PTPRD: variants seen among roughly 807,000 people sequenced by gnomAD.
PTPRD encodes protein tyrosine phosphatase receptor type D, also known as receptor-type tyrosine-protein phosphatase delta.
A neutral mutation model predicts 214.5 loss-of-function variants in PTPRD; 34 were observed. That is an observed-to-expected ratio of 0.16 (90% CI 0.12 to 0.21). The LOEUF (loss-of-function observed/expected upper bound fraction) is 0.21. Among genes scored for constraint, PTPRD ranks in the 10% least tolerant of loss-of-function variants. The pLI is 1.00. For synonymous variants in PTPRD, 1,128 were observed against 845.7 expected (o/e 1.33, Z -5.79); for missense variants, 2,545 against 2,398.7 (o/e 1.06, Z -1.27).
intron 8 of PTPRD, among the ~76,000 whole-genome samples, chr9:9,452,462 T>C (rs1050674556): frequency 2.0e-5 from 3 of 151,428 alleles, no homozygotes; most frequent in African/African-American, 7.2e-5. Context: ...TGTATGGGTA[T>C]ATCTAAGTAA....
At chr9:8,751,626 G>T (rs986557100) in intron 11 of PTPRD, among the ~76,000 whole-genome samples, 3 of 152,042 alleles carry the variant, frequency 2.0e-5, no homozygotes, top group Admixed American at 2.0e-4. Context: ...TCAATTGCTG[G>T]CTATCTTTCC....
intron 5 of PTPRD, among the ~76,000 whole-genome samples, chr9:9,856,667 T>C (rs1256013106): frequency 1.3e-5 from 2 of 152,012 alleles, no homozygotes; most frequent in Non-Finnish European, 2.9e-5. Context: ...TGAAAACCTT[T>C]GGTGGGAATT....
intron 2 of PTPRD, among the ~76,000 whole-genome samples, chr9:10,518,824 G>A (rs1387830893): frequency 3.3e-5 from 5 of 151,680 alleles, no homozygotes; most frequent in African/African-American, 7.2e-5. Context: ...GAGCCACCGC[G>A]CTCAGCCTTA....
intron 26 of PTPRD, among the ~76,000 whole-genome samples, chr9:8,493,363 T>C (rs1269203075): frequency 6.6e-6 from 1 of 152,242 alleles, no homozygotes; most frequent in Non-Finnish European, 1.5e-5. Flanking sequence ...ATATGAGTTA[T>C]ATCAGGTAAA....
At chr9:9,307,082 T>A (rs1429174535) in intron 9 of PTPRD, among the ~76,000 whole-genome samples, 1 of 152,220 alleles carries the variant, frequency 6.6e-6, no homozygotes, top group African/African-American at 2.4e-5. Flanking sequence ...TTGATGTGCC[T>A]GAGACATTTC....
chr9:9,802,186 C>G (rs569774706), intron 5 of PTPRD, among the ~76,000 whole-genome samples: 1 of 151,808 alleles, frequency 6.6e-6, no homozygotes, highest in Non-Finnish European at 1.5e-5. Flanking sequence ...AATTTAAACT[C>G]AGTTTAAAAT....
At chr9:10,507,810 A>G (rs1055669734) in intron 2 of PTPRD, among the ~76,000 whole-genome samples, 2 of 152,212 alleles carry the variant, frequency 1.3e-5, no homozygotes, top group Admixed American at 6.5e-5. Context: ...AAGGTGGATT[A>G]AAGACTTAAA....
At chr9:8,934,679 C>G (rs962283887) in intron 11 of PTPRD, among the ~76,000 whole-genome samples, 2 of 149,630 alleles carry the variant, frequency 1.3e-5, no homozygotes, top group Admixed American at 6.8e-5. Context: ...GTATTATTAA[C>G]TATAGTCGCC....
At chr9:9,340,134 C>T (rs1046267403) in intron 9 of PTPRD, among the ~76,000 whole-genome samples, 8 of 151,818 alleles carry the variant, frequency 5.3e-5, no homozygotes, top group African/African-American at 1.5e-4. Flanking sequence ...CTCTAGAAAC[C>T]GCTAAAGACA....
chr9:8,682,172 T>C (rs1158096801), intron 12 of PTPRD, among the ~76,000 whole-genome samples: 1 of 152,146 alleles, frequency 6.6e-6, no homozygotes, highest in East Asian at 1.9e-4. Flanking sequence ...CATCAAAACA[T>C]AATAAAAATG....
chr9:9,733,548 A>C (rs2098237447), intron 7 of PTPRD, among the ~76,000 whole-genome samples: 1 of 152,170 alleles, frequency 6.6e-6, no homozygotes, highest in South Asian at 2.1e-4. Context: ...TCCTGAAAGC[A>C]TTTGGTTTTA....
intron 11 of PTPRD, among the ~76,000 whole-genome samples, chr9:8,891,240 C>A (rs1242935754): frequency 6.7e-6 from 1 of 149,396 alleles, no homozygotes; most frequent in East Asian, 2.0e-4. Context: ...TTCAGGCCAT[C>A]CTCCTGCCTC....
intron 7 of PTPRD, among the ~76,000 whole-genome samples, chr9:9,686,086 G>C (rs1233825670): frequency 6.6e-6 from 1 of 151,356 alleles, no homozygotes; most frequent in Admixed American, 6.6e-5. Context: ...TATATTTTGG[G>C]AAGTTTATTT....
intron 11 of PTPRD, among the ~76,000 whole-genome samples, chr9:8,761,078 G>A (rs964894292): frequency 6.6e-6 from 1 of 152,154 alleles, no homozygotes; most frequent in South Asian, 2.1e-4. Context: ...AGATGACTGT[G>A]GGATGAAGCT....
At chr9:9,582,245 C>A (rs1199606458) in intron 7 of PTPRD, among the ~76,000 whole-genome samples, 20 of 152,124 alleles carry the variant, frequency 1.3e-4, no homozygotes, top group Admixed American at 1.3e-3. Flanking sequence ...GGCAAAAGGA[C>A]ACATGTAGAC....
In PTPRD at chr9:10,238,179, C is replaced by G. The variant is rs1426340796; in HGVS notation, c.-545+102784G>C. Among the ~76,000 whole-genome samples the G allele has an allele frequency of 3.4e-5, 4 of 116,602 alleles. No homozygotes were observed. The South Asian group carries it at 1.2e-3, about 36-fold the overall frequency. 76.5% of individuals were successfully genotyped at this position (116,602 alleles called of 152,430 possible). ...TTGGGGTCATTTTGTCATACCTGCT[C>G]TAAAGGACAGGAAGAAAAAGCACTC... On this transcript the variant is annotated intron_variant, in intron 3 of 45. Transcript: ENST00000381196.
At chr9:10,090,817 C>A (rs1216966373) in intron 3 of PTPRD, among the ~76,000 whole-genome samples, 4 of 147,474 alleles carry the variant, frequency 2.7e-5, no homozygotes, top group African/African-American at 5.0e-5. Flanking sequence ...TCTTAGTGAA[C>A]TATAAAATAT....
At chr9:9,572,609 AT>A (rs962598575) in intron 8 of PTPRD, among the ~76,000 whole-genome samples, 3 of 147,744 alleles carry the variant, frequency 2.0e-5, no homozygotes, top group African/African-American at 7.4e-5. Context: ...GTGTATATAT[AT>A]ATCATACATA....
chr9:8,334,062 A>G (rs1003397677), intron 43 of PTPRD, among the ~76,000 whole-genome samples: 3 of 152,188 alleles, frequency 2.0e-5, no homozygotes, highest in Non-Finnish European at 4.4e-5. Flanking sequence ...ACCTACAAAG[A>G]GACTTAGACT....
Sources: allele counts gnomAD v4.1 joint callset (sites outside exome capture counted in the v4.1 genomes callset), GRCh38; gene constraint gnomAD v4.1.1; transcripts MANE v1.5; gene names NCBI Gene and HGNC (gene_info 2026-07-23, HGNC 2026-07-21).